Variants in RBFOX1 observed in about 807,000 individuals in gnomAD.
RBFOX1 encodes RNA binding fox-1 homolog 1.
RBFOX1 carries 8 observed loss-of-function variants against 57.7 expected under a neutral mutation model. The observed-to-expected ratio is 0.14, with a 90% CI of 0.08 to 0.25. The LOEUF (loss-of-function observed/expected upper bound fraction) is 0.25. Among genes scored for constraint, RBFOX1 ranks in the 10% least tolerant of loss-of-function variants. RBFOX1 has a pLI of 1.00. For missense variants in RBFOX1, 611 were observed against 548.5 expected (o/e 1.11, Z -1.14); for synonymous variants, 326 against 222.4 (o/e 1.47, Z -4.15).
intron 5 of RBFOX1, among the ~76,000 whole-genome samples, chr16:7,568,916 A>C (rs2092453449): frequency 1.4e-5 from 2 of 147,656 alleles, no homozygotes; most frequent in Middle Eastern, 3.6e-3. Flanking sequence ...AGAATCACTT[A>C]AAACTGTCTG....
chr16:6,213,318 C>G (rs1447721691), intron 1 of RBFOX1, among the ~76,000 whole-genome samples: 1 of 152,130 alleles, frequency 6.6e-6, no homozygotes, highest in Admixed American at 6.5e-5. Flanking sequence ...CTCAGCTGAT[C>G]TGTTCCACTT....
At chr16:5,578,854 T>TCC (rs2046562523) in intron 2 of RBFOX1, among the ~76,000 whole-genome samples, 1 of 147,930 alleles carries the variant, frequency 6.8e-6, no homozygotes, top group Non-Finnish European at 1.5e-5. Flanking sequence ...CTTTTTTTTT[T>TCC]TTTTTTTTTT....
chr16:5,423,465 C>G (rs2067417150), intron 1 of RBFOX1, among the ~76,000 whole-genome samples: 1 of 152,178 alleles, frequency 6.6e-6, no homozygotes, highest in Non-Finnish European at 1.5e-5. Context: ...TCCTGGCTCC[C>G]TACGCCATCC....
chr16:5,383,066 CCA>C (rs2066169004), intron 1 of RBFOX1, among the ~76,000 whole-genome samples: 1 of 152,206 alleles, frequency 6.6e-6, no homozygotes, highest in African/African-American at 2.4e-5. Context: ...TTGCTTGATG[CCA>C]CAGTTTCCAG....
At chr16:6,678,063 C>T (rs181308047) in intron 3 of RBFOX1, among the ~76,000 whole-genome samples, 2 of 152,138 alleles carry the variant, frequency 1.3e-5, no homozygotes, top group Admixed American at 6.5e-5. Flanking sequence ...CTCATATAAT[C>T]TATTCATCCT....
At chr16:7,117,438 G>C (rs1006132321) in intron 4 of RBFOX1, among the ~76,000 whole-genome samples, 2 of 152,196 alleles carry the variant, frequency 1.3e-5, no homozygotes, top group Non-Finnish European at 2.9e-5. Flanking sequence ...TGGAATCAGA[G>C]ATCATGTAAG....
chr16:5,579,109 A>G (rs760064025), intron 2 of RBFOX1, among the ~76,000 whole-genome samples: 5 of 152,028 alleles, frequency 3.3e-5, no homozygotes, highest in Non-Finnish European at 7.4e-5. Flanking sequence ...CAGCCTCCCA[A>G]AGTGCTGGGA....
intron 1 of RBFOX1, among the ~76,000 whole-genome samples, chr16:6,226,840 T>C (rs1371963823): frequency 6.6e-6 from 1 of 151,276 alleles, no homozygotes; most frequent in Non-Finnish European, 1.5e-5. Context: ...CTGGACATAG[T>C]GCCACACACC....
chr16:7,512,769 G>T (rs971588138), intron 4 of RBFOX1, among the ~76,000 whole-genome samples: 1 of 152,208 alleles, frequency 6.6e-6, no homozygotes, highest in Non-Finnish European at 1.5e-5. Context: ...TCAAAGTCAG[G>T]CGTCAGGCTT....
intron 1 of RBFOX1, among the ~76,000 whole-genome samples, chr16:5,392,110 A>G (rs1020855344): frequency 4.6e-5 from 7 of 151,968 alleles, no homozygotes; most frequent in Admixed American, 2.6e-4. Context: ...GAATGATACA[A>G]TGGACTTTGG....
rs117386937 is a variant in RBFOX1, at chr16:5,647,689, G to A, written c.318+48728G>A. ...TTATTAGGGTAAGAAGAACTAATCCGTAGCTTAACAATAAGAACCTGCAAC... is the reference window on the plus strand; with the variant it reads ...TTATTAGGGTAAGAAGAACTAATCCATAGCTTAACAATAAGAACCTGCAAC... On this transcript the variant is annotated intron_variant, in intron 3 of 19. Transcript: ENST00000641259. Among the ~76,000 whole-genome samples the A allele has an allele frequency of 3.2e-3, 489 of 152,244 alleles. 1 individual carries two copies. The highest frequency in any genetic ancestry group is 5.4e-3 in the Non-Finnish European group (368 of 68,012).
chr16:5,705,108 A>G (rs1406983797), intron 3 of RBFOX1, among the ~76,000 whole-genome samples: 1 of 152,166 alleles, frequency 6.6e-6, no homozygotes, highest in African/African-American at 2.4e-5. Context: ...CGAAATTATT[A>G]TTAGTAAAGA....
chr16:6,472,776 C>T (rs1034002686), intron 2 of RBFOX1, among the ~76,000 whole-genome samples: 1 of 152,014 alleles, frequency 6.6e-6, no homozygotes, highest in Admixed American at 6.5e-5. Flanking sequence ...GCGTGCGCCA[C>T]CATGCCCAGC....
intron 1 of RBFOX1, among the ~76,000 whole-genome samples, chr16:6,307,921 A>C (rs952654356): frequency 2.0e-5 from 3 of 147,694 alleles, no homozygotes; most frequent in African/African-American, 7.3e-5. Context: ...TATTTTTATA[A>C]ATTATAATCA....
intron 2 of RBFOX1, among the ~76,000 whole-genome samples, chr16:6,590,414 T>TC (rs2097693805): frequency 1.3e-5 from 2 of 152,134 alleles, no homozygotes; most frequent in Non-Finnish European, 2.9e-5. Flanking sequence ...AAGCTAATTT[T>TC]TTTTGTGTGT....
chr16:7,395,223 G>C (rs1290247925), intron 4 of RBFOX1, among the ~76,000 whole-genome samples: 1 of 148,738 alleles, frequency 6.7e-6, no homozygotes, highest in South Asian at 2.1e-4. Context: ...TAGATGCATT[G>C]TTCAAATTAC....
rs150767833 is a variant in RBFOX1 at position 6,465,210 on chromosome 16, G to C, written c.-64+148153G>C. 5.8e-4 allele frequency among the ~76,000 whole-genome samples: 88 copies of C among 152,330 alleles called. 1 individual carries two copies. Among genetic ancestry groups the C allele is most frequent in the Non-Finnish European group, 5.9e-5 (4 of 68,036 alleles). On this transcript the variant is annotated intron_variant, in intron 2 of 15. Coordinates refer to ENST00000550418, the MANE Select transcript of RBFOX1 (RefSeq NM_018723.4). ...TTGTCTAAGACTATATAGATGTGTAGAGAGAGGCAGAGTAGGTTATTTGGA... is the reference window on the plus strand; with the variant it reads ...TTGTCTAAGACTATATAGATGTGTACAGAGAGGCAGAGTAGGTTATTTGGA...
At chr16:6,873,115 T>G (rs1206263040) in intron 3 of RBFOX1, among the ~76,000 whole-genome samples, 1 of 151,710 alleles carries the variant, frequency 6.6e-6, no homozygotes, top group African/African-American at 2.4e-5. Flanking sequence ...GAGAAACTTT[T>G]AGTTTCTATG....
At chr16:7,067,397 T>C (rs1351580771) in intron 4 of RBFOX1, among the ~76,000 whole-genome samples, 1 of 151,754 alleles carries the variant, frequency 6.6e-6, no homozygotes, top group African/African-American at 2.4e-5. Context: ...GAAGTAAAAC[T>C]GAAATGTCGC....
Sources: gnomAD v4.1 joint callset for allele counts (sites outside exome capture counted in the v4.1 genomes callset) on GRCh38, gnomAD v4.1.1 for gene constraint, MANE v1.5 for transcripts, NCBI Gene and HGNC (gene_info 2026-07-23, HGNC 2026-07-21) for gene names.